MYLK: variants seen among roughly 807,000 people sequenced by gnomAD.
MYLK encodes the protein myosin light chain kinase.
In MYLK, 106 loss-of-function variants were observed where a neutral mutation model predicts 203.4. The ratio of observed to expected loss-of-function variants is 0.52; its 90% confidence interval spans 0.45 to 0.61. The LOEUF is 0.61. Among genes scored for constraint, MYLK ranks in the 20% least tolerant of loss-of-function variants. The probability of loss-of-function intolerance (pLI) is 0.00; values close to 1 mark genes in which losing one functional copy is unlikely to be tolerated. For synonymous variants in MYLK, 867 were observed against 959.5 expected, an observed-to-expected ratio of 0.90 and a Z score of 1.78; for missense variants, 2,072 against 2,442.3, an observed-to-expected ratio of 0.85 and a Z score of 3.20.
chr3:123,712,315 A>G (rs1355162425), intron 13 of MYLK, among the ~76,000 whole-genome samples: 1 of 152,208 alleles, frequency 6.6e-6, no homozygotes, highest in Non-Finnish European at 1.5e-5. Context: ...TCTTGCACAG[A>G]CTGAGAAGGC....
At chr3:123,871,990 A>G (rs2032822866) in intron 2 of MYLK, among the ~76,000 whole-genome samples, 1 of 151,728 alleles carries the variant, frequency 6.6e-6, no homozygotes. Flanking sequence ...ACATTTGAAA[A>G]TCAATTACTG....
Position 123,708,082 on chromosome 3 carries a change from A to G in MYLK, c.2141-79T>C. 9.5e-6 allele frequency: 15 copies of G among 1,585,562 alleles called. No homozygotes were observed. The South Asian group carries it at 1.7e-4, about 18-fold the overall frequency. On this transcript the variant is annotated intron_variant, in intron 15 of 33. Transcript: ENST00000360304. The stretch of plus-strand genomic sequence containing the variant: ...TCCACTCAATTCTCCATGGAGGTGA[A>G]GGATGGGAAGATAGCATGTCACCCA...
intron 1 of MYLK, among the ~76,000 whole-genome samples, chr3:123,882,728 GCTCAGGTTCCTC>G (rs1463898795): frequency 2.5e-4 from 38 of 152,116 alleles, no homozygotes; most frequent in Non-Finnish European, 4.9e-4. Flanking sequence ...AGGACCAACT[GCTCAGGTTCCTC>G]CCAGACCCAA....
At chr3:123,714,243 C>T (rs1182098600) in intron 13 of MYLK, among the ~76,000 whole-genome samples, 3 of 152,180 alleles carry the variant, frequency 2.0e-5, no homozygotes, top group Non-Finnish European at 4.4e-5. Context: ...CCTGGGGCTG[C>T]GATGCCCCAT....
At chr3:123,880,274 C>T in intron 1 of MYLK, among the ~76,000 whole-genome samples, 1 of 152,148 alleles carries the variant, frequency 6.6e-6, no homozygotes, top group East Asian at 1.9e-4. Context: ...CTGGCTGCCT[C>T]CTCCTGCCAG....
intron 3 of MYLK, 34 bp from the exon 4 acceptor site, chr3:123,793,878 C>G: frequency 6.2e-7 from 1 of 1,613,028 alleles, no homozygotes; most frequent in Non-Finnish European, 8.5e-7. Context: ...AAGGTCAGAT[C>G]AGACAAAGCA....
chr3:123,694,007 C>G (rs979863511), intron 18 of MYLK, among the ~76,000 whole-genome samples: 1 of 152,194 alleles, frequency 6.6e-6, no homozygotes, highest in African/African-American at 2.4e-5. Context: ...TGAGTGGACA[C>G]CAACTACTGT....
chr3:123,699,844 G>C (rs2061106504), intron 18 of MYLK, among the ~76,000 whole-genome samples, 176 bp downstream of exon 18: 1 of 152,220 alleles, frequency 6.6e-6, no homozygotes, highest in African/African-American at 2.4e-5. Context: ...ACCTATCCTT[G>C]AGTTAGCAGG....
At chr3:123,814,195 G>C (rs1334396896) in intron 3 of MYLK, 1 of 277,460 alleles carries the variant, frequency 3.6e-6, no homozygotes, top group Non-Finnish European at 7.2e-6. Flanking sequence ...GATAAATTTG[G>C]TTACAGATAC....
At chr3:123,768,260 T>C (rs971471817) in intron 4 of MYLK, among the ~76,000 whole-genome samples, 1 of 152,232 alleles carries the variant, frequency 6.6e-6, no homozygotes, top group Non-Finnish European at 1.5e-5. Flanking sequence ...AGGGTCCCCT[T>C]TCCAAGCTTG....
At chr3:123,719,956 C>G (rs914698925) in intron 13 of MYLK, among the ~76,000 whole-genome samples, 3 of 152,222 alleles carry the variant, frequency 2.0e-5, no homozygotes, top group African/African-American at 7.2e-5. Flanking sequence ...GGGCACCGTG[C>G]CAGGGGGTGT....
intron 3 of MYLK, among the ~76,000 whole-genome samples, chr3:123,812,778 C>T (rs542883336): frequency 1.3e-5 from 2 of 152,328 alleles, no homozygotes; most frequent in South Asian, 4.1e-4. Context: ...ACTGGGGGCC[C>T]CACTGAGCTG....
chr3:123,681,300 T>A (rs1490619473), intron 20 of MYLK: 3 of 152,204 alleles, frequency 2.0e-5, no homozygotes, highest in Non-Finnish European at 2.9e-5. Flanking sequence ...ACGGAGAGGC[T>A]CCTTTCTCTC....
Position 123,700,335 on chromosome 3 carries a change from C to T in MYLK, c.3133G>A (p.Glu1045Lys), listed in dbSNP as rs773540567. The T allele has an allele frequency of 3.8e-5, 62 of 1,613,796 alleles. No homozygotes were observed. The highest frequency in any genetic ancestry group is 1.6e-4 in the Middle Eastern group (1 of 6,084). Residue 1045 changes from glutamate (E) to lysine (K), a missense_variant, in exon 18 of 34, where the codon GAG (glutamate) becomes AAG (lysine). Coordinates refer to ENST00000360304, the MANE Select transcript of MYLK (RefSeq NM_053025.4). ...LKPMGNAKPAETLKPMGNAKP... is the reference protein window; with the variant it reads ...LKPMGNAKPAKTLKPMGNAKP... ...GCATTGCCCATGGGCTTCAGGGTCTCGGCAGGCTTGGCGTTGCCCATTGGC... is the reference window on the plus strand; with the variant it reads ...GCATTGCCCATGGGCTTCAGGGTCTTGGCAGGCTTGGCGTTGCCCATTGGC...
Position 123,664,188 on chromosome 3 carries a change from C to T in MYLK, c.3902G>A (p.Arg1301His), listed in dbSNP as rs770980369. The stretch of plus-strand genomic sequence containing the variant: ...TGTGTAGCAGCCGCAGTGCTCCTGG[C>T]GCGCGGCCAGGATGGTGAGCTTGCT... The part of the protein sequence containing the change: ...NGSKLTILAA[R>H]QEHCGCYTLL... Residue 1301 changes from arginine to histidine, a missense_variant, in exon 23 of 34, where the codon CGC (arginine) becomes CAC (histidine). By Grantham distance (29) the Arg-to-His change is conservative. Coordinates refer to ENST00000360304, the MANE Select transcript of MYLK (RefSeq NM_053025.4). 4.0e-5 allele frequency: 64 copies of T among 1,614,052 alleles called. No individual in the cohort carries two copies. The highest frequency in any genetic ancestry group is 2.8e-4 in the Admixed American group (17 of 60,008).
At chr3:123,853,745 G>A (rs935692984) in intron 2 of MYLK, among the ~76,000 whole-genome samples, 3 of 152,048 alleles carry the variant, frequency 2.0e-5, no homozygotes, top group African/African-American at 7.2e-5. Context: ...CTATAAATAA[G>A]ACAGAGAGCT....
intron 33 of MYLK, chr3:123,616,252 TATGGACAATTGGAA>T: frequency 6.6e-6 from 1 of 152,314 alleles, no homozygotes; most frequent in Non-Finnish European, 1.5e-5. Flanking sequence ...GTAATTTGCC[TATGGACAATTGGAA>T]ATGGACCTCA....
intron 19 of MYLK, among the ~76,000 whole-genome samples, chr3:123,688,336 C>A (rs777903107): frequency 1.8e-4 from 27 of 152,056 alleles, no homozygotes; most frequent in Middle Eastern, 6.8e-3. Context: ...TTGATCGTGC[C>A]CCCCAGCCCC....
intron 33 of MYLK, chr3:123,616,772 T>C (rs2057522613): frequency 6.6e-6 from 1 of 152,136 alleles, no homozygotes; most frequent in South Asian, 2.1e-4. Flanking sequence ...TCTCTCTCGC[T>C]CTCTCACTTG....
Sources: allele counts gnomAD v4.1 joint callset (sites outside exome capture counted in the v4.1 genomes callset), GRCh38; gene constraint gnomAD v4.1.1; transcripts MANE v1.5; gene names NCBI Gene and HGNC (gene_info 2026-07-23, HGNC 2026-07-21).